Variants in ATG2B observed in about 807,000 individuals in gnomAD.
ATG2B encodes autophagy related 2B.
ATG2B carries 121 observed loss-of-function variants against 241.3 expected under a neutral mutation model. The ratio of observed to expected loss-of-function variants is 0.50; its 90% CI spans 0.43 to 0.58. The LOEUF is 0.58. ATG2B is among the 20% of genes least tolerant of loss of function. ATG2B has a pLI of 0.00. For synonymous variants in ATG2B, 858 were observed against 876.6 expected (o/e 0.98, Z 0.37); for missense variants, 2,306 against 2,491.6 (o/e 0.93, Z 1.59).
intron 36 of ATG2B, 107 bp downstream of exon 36, chr14:96,294,853 G>T (rs370472115): frequency 1.1e-6 from 1 of 950,066 alleles, no homozygotes. Context: ...ATTTGGCAGT[G>T]CAAAGAAAAG....
chr14:96,354,081 A>G (rs1014060106), intron 1 of ATG2B, among the ~76,000 whole-genome samples: 1 of 152,228 alleles, frequency 6.6e-6, no homozygotes, highest in Admixed American at 6.5e-5. Flanking sequence ...TTTTTTAAAA[A>G]AAATTTCAGA....
chr14:96,359,621 C>T (rs1354653361), intron 1 of ATG2B, among the ~76,000 whole-genome samples: 1 of 152,176 alleles, frequency 6.6e-6, no homozygotes, highest in Admixed American at 6.5e-5. Flanking sequence ...CAACTTCCCA[C>T]CCCAAATAGA....
Position 96,323,946 on chromosome 14 carries a change from A to G in ATG2B, c.2490T>C (p.Ser830=). ...ATGTTGTATCTCCATCTACTCCACT[A>G]GACACATGGAAAAACTTAATAGATG... is the stretch of plus-strand genomic sequence containing the variant. ...GDPSIKFFHV[S]SGVDGDTTSS... The change falls in exon 16 of 42, where the codon TCT becomes TCC. Residue 830 remains serine, a synonymous_variant. Transcript: ENST00000359933. 6.2e-7 allele frequency: 1 copy of G among 1,611,906 alleles called. No homozygotes were observed. Among genetic ancestry groups the G allele is most frequent in the Non-Finnish European group, 8.5e-7 (1 of 1,179,410 alleles).
At chr14:96,292,234 TAA>T (rs1427534567) in intron 36 of ATG2B, 136 bp from the exon 37 acceptor site, 1 of 518,286 alleles carries the variant, frequency 1.9e-6, no homozygotes, top group East Asian at 3.2e-5. Flanking sequence ...AAGAACTAAA[TAA>T]AAGAGAATGT....
chr14:96,290,730 G>T lies in ATG2B; in HGVS notation c.5701+84C>A. Reference sequence around the variant, plus strand: ...CATATGTGAGTTTTCTAGACTAATGGTCCTCACATAAGTTCTCAAAGGGAT... The same window carrying T: ...CATATGTGAGTTTTCTAGACTAATGTTCCTCACATAAGTTCTCAAAGGGAT... On this transcript the variant is annotated intron_variant, in intron 39 of 41. Transcript: ENST00000359933. The surrounding 1 kb of genome is among the most constrained non-coding windows in gnomAD (Gnocchi z 4.4). 6.5e-7 allele frequency: 1 copy of T among 1,540,146 alleles called. No homozygotes were observed. The highest frequency in any genetic ancestry group is 1.2e-5 in the South Asian group (1 of 82,000).
Position 96,315,111 on chromosome 14 carries a change from C to T in ATG2B, c.3642+43G>A. On this transcript the variant is annotated intron_variant, in intron 23 of 41. Transcript: ENST00000359933. ...TCAGTATGTGTATTAGATGTCAACA[C>T]AAATTTTTAAATAAATTAATACATA... 7 of 1,477,840 alleles carry T rather than the reference C, an allele frequency of 4.7e-6. No homozygotes were observed. The East Asian group carries it at 1.7e-4, about 36-fold the overall frequency. The allele number at this position is 1,477,840 out of a possible 1,614,324, so 91.5% of individuals were successfully genotyped here. A position where few individuals can be genotyped will look rare whatever the true frequency, so the allele number is the denominator to read the frequency against.
At chr14:96,338,603 C>G (rs944796160) in intron 6 of ATG2B, among the ~76,000 whole-genome samples, 1 of 152,090 alleles carries the variant, frequency 6.6e-6, no homozygotes, top group African/African-American at 2.4e-5. Context: ...AAGAAAGAAC[C>G]TGGATCCTCA....
rs773646347 is a variant in ATG2B at position 96,290,947 on chromosome 14, G to A, written c.5580-12C>T. ...CAACGCCTAGTAAACTAGAGCAAAT[G>A]ATTATTAGTATGTCAAAAGGAGAAA... On this transcript the variant is annotated splice_polypyrimidine_tract_variant and intron_variant, in intron 38 of 41. Transcript: ENST00000359933. The surrounding 1 kb of genome is among the most constrained non-coding windows in gnomAD (Gnocchi z 4.4). 12 of 1,601,662 alleles carry A rather than the reference G, an allele frequency of 7.5e-6. No homozygotes were observed. Among genetic ancestry groups the A allele is most frequent in the South Asian group, 1.1e-5 (1 of 88,346 alleles).
intron 41 of ATG2B, among the ~76,000 whole-genome samples, chr14:96,288,587 C>G (rs915400539): frequency 6.6e-6 from 1 of 152,208 alleles, no homozygotes; most frequent in South Asian, 2.1e-4. Context: ...TGGGGCCCTA[C>G]CTTCGTGGAC....
chr14:96,306,109 T>C (rs1293658118), intron 30 of ATG2B, among the ~76,000 whole-genome samples: 2 of 152,244 alleles, frequency 1.3e-5, no homozygotes, highest in Admixed American at 1.3e-4. Flanking sequence ...GTGGGTATTT[T>C]TTTTTGTTTA....
chr14:96,362,775 G>C (rs1407318377), intron 1 of ATG2B, 40 bp downstream of exon 1: 3 of 1,576,830 alleles, frequency 1.9e-6, no homozygotes, highest in Non-Finnish European at 2.6e-6. Context: ...CCCTAAAGAG[G>C]GGAGCGAGCC....
intron 23 of ATG2B, among the ~76,000 whole-genome samples, chr14:96,313,952 G>A (rs1887233733): frequency 6.6e-6 from 1 of 152,130 alleles, no homozygotes; most frequent in South Asian, 2.1e-4. Context: ...GTGCAGGGGC[G>A]ATTGGTTTTT....
chr14:96,351,461 C>T (rs1214785839), intron 1 of ATG2B, among the ~76,000 whole-genome samples: 2 of 152,084 alleles, frequency 1.3e-5, no homozygotes. Flanking sequence ...ATTGGCCAGG[C>T]GCAGTGGCTC....
At chr14:96,313,627 G>A (rs1332896584) in intron 23 of ATG2B, among the ~76,000 whole-genome samples, 192 bp from the exon 24 acceptor site, 2 of 152,000 alleles carry the variant, frequency 1.3e-5, no homozygotes, top group Non-Finnish European at 2.9e-5. Flanking sequence ...AGAAAAGAAG[G>A]TAATGGATAC....
At chr14:96,303,325 T>A in intron 32 of ATG2B, 70 bp from the exon 33 acceptor site, 1 of 1,267,730 alleles carries the variant, frequency 7.9e-7, no homozygotes, top group Non-Finnish European at 1.0e-6. Flanking sequence ...ATTTTCTCTT[T>A]AAAATGCAAA....
At chr14:96,329,778 G>C in intron 11 of ATG2B, 144 bp from the exon 12 acceptor site, 2 of 548,000 alleles carry the variant, frequency 3.6e-6, no homozygotes. Context: ...CTTTCCTTAA[G>C]ATAAAAAATC....
At chr14:96,316,070 G>A (rs1260428456) in intron 21 of ATG2B, among the ~76,000 whole-genome samples, 1 of 152,166 alleles carries the variant, frequency 6.6e-6, no homozygotes. Flanking sequence ...TCAAATGAAA[G>A]AAGCCAGTCA....
rs756688079 is a variant in ATG2B at position 96,285,843 on chromosome 14, G to A, written c.6149C>T (p.Thr2050Met). 1.8e-5 allele frequency: 29 copies of A among 1,614,132 alleles called. No homozygotes were observed. In the East Asian group the frequency reaches 5.3e-4, roughly 30 times the overall value. ...TCTCATGCCACCCAGCACGTTTGACGTTGCTTCTGTGGCAACAATCAGAGG... is the reference window on the plus strand; with the variant it reads ...TCTCATGCCACCCAGCACGTTTGACATTGCTTCTGTGGCAACAATCAGAGG... ...VKPLIVATEA[T>M]SNVLGGMRNQ... The change falls in exon 42 of 42, where the codon ACG becomes ATG. Residue 2050 changes from threonine to methionine, a missense_variant. Physicochemically the swap from Thr to Met is moderately conservative, Grantham distance 81 (BLOSUM62 -1). Around this residue, in one of 2 missense-constraint regions of ATG2B, gnomAD observed 379 missense variants for 480.4 expected, o/e 0.79. Transcript: ENST00000359933. The surrounding 1 kb of genome is among the most constrained non-coding windows in gnomAD (Gnocchi z 4.2).
intron 41 of ATG2B, among the ~76,000 whole-genome samples, chr14:96,287,275 G>GAAA (rs1193207718): frequency 2.7e-5 from 2 of 73,724 alleles, no homozygotes; most frequent in Admixed American, 1.2e-4. Context: ...AAAAAAAAAC[G>GAAA]TGTCCAGAAA....
Sources: allele counts gnomAD v4.1 joint callset (sites outside exome capture counted in the v4.1 genomes callset), GRCh38; gene constraint gnomAD v4.1.1; regional missense constraint gnomAD v4.1.1; non-coding constraint Gnocchi (gnomAD v3.1); transcripts MANE v1.5; gene names NCBI Gene and HGNC (gene_info 2026-07-23, HGNC 2026-07-21).